ZZZ3: variants seen among roughly 807,000 people sequenced by gnomAD.
ZZZ3 encodes the protein ZZ-type zinc finger-containing protein 3.
A neutral mutation model predicts 95.2 loss-of-function variants in ZZZ3; 22 were observed. The observed-to-expected ratio is 0.23, with a 90% confidence interval of 0.17 to 0.33. The LOEUF is 0.33. Ranked by LOEUF, ZZZ3 falls within the 10% of genes least tolerant of loss-of-function variation. ZZZ3 has a pLI of 1.00. For synonymous variants in ZZZ3, 335 were observed against 358.9 expected, an observed-to-expected ratio of 0.93 and a Z score of 0.75; for missense variants, 885 against 1,066.5, an observed-to-expected ratio of 0.83 and a Z score of 2.37.
intron 1 of ZZZ3, among the ~76,000 whole-genome samples, chr1:77,649,672 C>T (rs1328056122): frequency 2.6e-5 from 4 of 152,062 alleles, no homozygotes; most frequent in South Asian, 2.1e-4. Flanking sequence ...CACCTGAGGT[C>T]GGGAGCTTGA....
At chr1:77,589,516 C>A (rs866812078) in intron 5 of ZZZ3, among the ~76,000 whole-genome samples, 1 of 151,738 alleles carries the variant, frequency 6.6e-6, no homozygotes, top group African/African-American at 2.4e-5. Context: ...TAGCTCACTG[C>A]GGCCTCAAAC....
intron 5 of ZZZ3, among the ~76,000 whole-genome samples, chr1:77,594,383 T>TAA (rs1414439213): frequency 6.6e-6 from 1 of 152,142 alleles, no homozygotes; most frequent in Non-Finnish European, 1.5e-5. Flanking sequence ...CTTTAGTTCT[T>TAA]AAAATGAATG....
intron 4 of ZZZ3, among the ~76,000 whole-genome samples, chr1:77,636,815 A>G (rs1482906739): frequency 6.6e-6 from 1 of 152,170 alleles, no homozygotes; most frequent in Admixed American, 6.6e-5. Context: ...GTTAAATAAA[A>G]TATGAAAACA....
intron 1 of ZZZ3, among the ~76,000 whole-genome samples, chr1:77,665,798 T>G (rs1283647794): frequency 6.6e-6 from 1 of 152,098 alleles, no homozygotes; most frequent in East Asian, 1.9e-4. Context: ...ATCCCAGCAC[T>G]TTGGGAGGCC....
Position 77,574,531 on chromosome 1 carries a change from C to A in ZZZ3, c.2331+1537G>T, listed in dbSNP as rs74090658. 5.1e-3 allele frequency among the ~76,000 whole-genome samples: 770 copies of A among 152,236 alleles called. 6 individuals carry two copies. The highest frequency in any genetic ancestry group is 0.018 in the African/African-American group (738 of 41,536). ...GGCCTACAAACAATGATGAACCCAGCAGCAAGTAACATTCCTACAGTCAGG... is the reference window on the plus strand; with the variant it reads ...GGCCTACAAACAATGATGAACCCAGAAGCAAGTAACATTCCTACAGTCAGG... On this transcript the variant is annotated intron_variant, in intron 12 of 14. Transcript: ENST00000370801.
In ZZZ3 at chr1:77,632,168, C is replaced by A; in HGVS notation, c.1187G>T (p.Ser396Ile). 1 of 1,614,104 alleles carries A rather than the reference C, an allele frequency of 6.2e-7. No individual in the cohort carries two copies. The highest frequency in any genetic ancestry group is 2.2e-5 in the East Asian group (1 of 44,882). ...TTGTCCATTTTCTCTGTAAGGAGAA[C>A]TGTTTTTAGTGGGACTACCTCTGGT... ...APTRGSPTKN[S>I]SPYRENGQFE... Residue 396 changes from serine to isoleucine, a missense_variant, in exon 5 of 15, where the codon AGT becomes ATT. By Grantham distance (142) the Ser-to-Ile change is moderately radical. Coordinates refer to ENST00000370801, the MANE Select transcript of ZZZ3 (RefSeq NM_015534.6).
At chr1:77,602,790 G>C (rs1263484515) in intron 5 of ZZZ3, among the ~76,000 whole-genome samples, 1 of 151,772 alleles carries the variant, frequency 6.6e-6, no homozygotes, top group Non-Finnish European at 1.5e-5. Flanking sequence ...ATTTTTAGTA[G>C]AGACGGGGTT....
At chr1:77,672,739 T>C (rs1671897455) in intron 1 of ZZZ3, among the ~76,000 whole-genome samples, 1 of 152,238 alleles carries the variant, frequency 6.6e-6, no homozygotes, top group South Asian at 2.1e-4. Context: ...ACCCATGTGC[T>C]TGGCTTAGGT....
intron 1 of ZZZ3, among the ~76,000 whole-genome samples, chr1:77,672,293 CAG>C (rs1276167406): frequency 1.3e-5 from 2 of 152,114 alleles, no homozygotes; most frequent in Admixed American, 1.3e-4. Context: ...TAGCACACAC[CAG>C]AATCCTCTAG....
At chr1:77,578,081 A>G (rs1662145115) in intron 11 of ZZZ3, among the ~76,000 whole-genome samples, 1 of 152,104 alleles carries the variant, frequency 6.6e-6, no homozygotes, top group South Asian at 2.1e-4. Context: ...TTCACTCAAC[A>G]TACCTGAGGG....
rs577026557 is a variant in ZZZ3, at chr1:77,593,362, T to C, written c.1506-8707A>G. Among the ~76,000 whole-genome samples, 81 of 152,326 alleles carry C rather than the reference T, an allele frequency of 5.3e-4. 1 individual carries two copies. In the South Asian group the frequency reaches 0.016, roughly 30 times the overall value. ...AAGTCCATCTAATACTAATGCTTAA[T>C]ATAGCAATGAAAATGGACATCTATT... On this transcript the variant is annotated intron_variant, in intron 5 of 14. Coordinates refer to ENST00000370801, the MANE Select transcript of ZZZ3 (RefSeq NM_015534.6).
chr1:77,652,790 A>G (rs1016637121), intron 1 of ZZZ3, among the ~76,000 whole-genome samples: 2 of 152,248 alleles, frequency 1.3e-5, no homozygotes, highest in Non-Finnish European at 2.9e-5. Context: ...TGAGGTATTG[A>G]CAAATGCTGT....
At chr1:77,645,525 C>T (rs892269008) in intron 1 of ZZZ3, 2 of 152,378 alleles carry the variant, frequency 1.3e-5, no homozygotes, top group Non-Finnish European at 2.9e-5. Context: ...AGGTCAGAAA[C>T]AGAGCAGGTC....
At chr1:77,682,454 C>T (rs1672874553) in intron 1 of ZZZ3, 131 bp downstream of exon 1, 1 of 152,734 alleles carries the variant, frequency 6.5e-6, no homozygotes, top group South Asian at 2.1e-4. Flanking sequence ...GTGGAGCGCC[C>T]GCAGGGGGAT....
At chr1:77,638,400 A>C (rs1304768610) in intron 4 of ZZZ3, among the ~76,000 whole-genome samples, 1 of 152,216 alleles carries the variant, frequency 6.6e-6, no homozygotes, top group Non-Finnish European at 1.5e-5. Flanking sequence ...ATAAATTTCC[A>C]GCTCCTATGA....
At chr1:77,640,279 T>C (rs928825382) in intron 3 of ZZZ3, among the ~76,000 whole-genome samples, 1 of 152,152 alleles carries the variant, frequency 6.6e-6, no homozygotes, top group South Asian at 2.1e-4. Flanking sequence ...ATTTTTACTA[T>C]ATAATAATTT....
intron 5 of ZZZ3, among the ~76,000 whole-genome samples, chr1:77,621,452 A>T (rs566809444): frequency 4.5e-4 from 69 of 151,826 alleles, no homozygotes; most frequent in African/African-American, 1.5e-3. Flanking sequence ...TTAAAAAAAA[A>T]ATCCAGTGAA....
intron 1 of ZZZ3, among the ~76,000 whole-genome samples, chr1:77,648,807 T>A (rs1167594621): frequency 1.3e-5 from 2 of 152,166 alleles, no homozygotes; most frequent in Non-Finnish European, 2.9e-5. Flanking sequence ...ACTTTCTAAA[T>A]ATGATGGAAA....
intron 5 of ZZZ3, among the ~76,000 whole-genome samples, chr1:77,622,349 T>G (rs559697670): frequency 7.9e-6 from 1 of 126,342 alleles, no homozygotes; most frequent in Admixed American, 8.2e-5. Context: ...GGAATGATAA[T>G]GTAAAACAAA....
Sources: allele counts gnomAD v4.1 joint callset (sites outside exome capture counted in the v4.1 genomes callset), GRCh38; gene constraint gnomAD v4.1.1; transcripts MANE v1.5; gene names NCBI Gene and HGNC (gene_info 2026-07-23, HGNC 2026-07-21).